Variants in IARS1 observed in about 807,000 individuals in gnomAD.
The protein encoded by IARS1 is isoleucyl-tRNA synthetase 1.
In IARS1, 124 loss-of-function variants were observed where a neutral mutation model predicts 168.2. That is an observed-to-expected ratio of 0.74 (90% confidence interval 0.64 to 0.86). The LOEUF is 0.86. Ranked by LOEUF, IARS1 falls within the 40% of genes least tolerant of loss-of-function variation. IARS1 has a pLI of 0.00. For synonymous variants in IARS1, 532 were observed against 529.4 expected (o/e 1.00, Z -0.07); for missense variants, 1,452 against 1,515.8 (o/e 0.96, Z 0.70).
intron 31 of IARS1, among the ~76,000 whole-genome samples, chr9:92,224,283 CT>C (rs1825285034): frequency 1.3e-5 from 2 of 152,196 alleles, no homozygotes; most frequent in Non-Finnish European, 1.5e-5. Context: ...TGTTCTGACT[CT>C]GGGTAGCCCT....
chr9:92,267,633 A>C (rs1832463826), intron 14 of IARS1, among the ~76,000 whole-genome samples: 1 of 152,212 alleles, frequency 6.6e-6, no homozygotes, highest in East Asian at 1.9e-4. Flanking sequence ...TGCTGCGATT[A>C]CATGTGGGAG....
At chr9:92,241,050 C>T (rs895577471) in intron 29 of IARS1, 89 bp from the exon 30 acceptor site, 13 of 738,484 alleles carry the variant, frequency 1.8e-5, no homozygotes, top group Non-Finnish European at 2.5e-5. Flanking sequence ...TTCTCAGTAA[C>T]AACAAGAGCT....
intron 33 of IARS1, among the ~76,000 whole-genome samples, chr9:92,214,459 C>G (rs988622900): frequency 6.6e-6 from 1 of 152,116 alleles, no homozygotes; most frequent in African/African-American, 2.4e-5. Context: ...CTACAACTCC[C>G]AGGGTGAGCG....
chr9:92,243,333 AC>A, intron 27 of IARS1, 22 bp from the exon 28 acceptor site: 1 of 1,500,234 alleles, frequency 6.7e-7, no homozygotes, highest in South Asian at 1.1e-5. Context: ...AACAGTGCAC[AC>A]CATGACAATC....
chr9:92,234,599 T>G (rs931531147), intron 30 of IARS1, among the ~76,000 whole-genome samples: 2 of 152,202 alleles, frequency 1.3e-5, no homozygotes, highest in African/African-American at 4.8e-5. Context: ...TTGTTTACAT[T>G]ACTGATGCAC....
At position 92,280,745 on chromosome 9, in the gene IARS1, C is replaced by A. The variant is rs1330406205; in HGVS notation, c.745+1G>T. On this transcript the variant is annotated splice_donor_variant, in intron 7 of 33. Transcript: ENST00000443024. LOFTEE classifies it high-confidence loss of function. ...TCATAAGTAACCAGCCTCCCACTTA[C>A]CTTTAATTTTCACATATTGCATTTC... 6.2e-7 allele frequency: 1 copy of A among 1,603,934 alleles called. No individual in the cohort carries two copies. The highest frequency in any genetic ancestry group is 1.7e-5 in the Admixed American group (1 of 59,246).
At chr9:92,291,641 G>A (rs1216729216) in intron 1 of IARS1, among the ~76,000 whole-genome samples, 1 of 152,116 alleles carries the variant, frequency 6.6e-6, no homozygotes, top group Non-Finnish European at 1.5e-5. Flanking sequence ...GCCTTTCAAG[G>A]ACCAAAATAA....
chr9:92,253,509 G>T, intron 20 of IARS1, 56 bp from the exon 21 acceptor site: 2 of 1,148,964 alleles, frequency 1.7e-6, no homozygotes, highest in South Asian at 1.2e-5. Context: ...ATCTGGGGTG[G>T]GGAGAGGGTT....
At chr9:92,234,967 C>T (rs1363510478) in intron 30 of IARS1, among the ~76,000 whole-genome samples, 3 of 152,074 alleles carry the variant, frequency 2.0e-5, no homozygotes, top group Non-Finnish European at 4.4e-5. Flanking sequence ...CCTCAGCCTC[C>T]TGAGTAGCTG....
intron 14 of IARS1, among the ~76,000 whole-genome samples, chr9:92,267,118 G>A (rs896774315): frequency 6.6e-6 from 1 of 152,156 alleles, no homozygotes; most frequent in African/African-American, 2.4e-5. Flanking sequence ...ATCAGACAAA[G>A]CCACAGGATG....
chr9:92,280,466 C>A (rs1465331559), intron 7 of IARS1, among the ~76,000 whole-genome samples: 1 of 152,110 alleles, frequency 6.6e-6, no homozygotes, highest in African/African-American at 2.4e-5. Flanking sequence ...ATCTTAGATT[C>A]TTCATCTGTC....
chr9:92,262,796 G>A (rs1191174083), intron 17 of IARS1, among the ~76,000 whole-genome samples, 173 bp downstream of exon 17: 2 of 152,168 alleles, frequency 1.3e-5, no homozygotes, highest in African/African-American at 4.8e-5. Flanking sequence ...CAATCTGAAA[G>A]TCCTCCCCTT....
chr9:92,265,606 AC>A, intron 14 of IARS1, 53 bp from the exon 15 acceptor site: 1 of 1,335,938 alleles, frequency 7.5e-7, no homozygotes, highest in Non-Finnish European at 1.1e-6. Flanking sequence ...AACAGAGCAT[AC>A]TGAGTTAATT....
At chr9:92,234,461 C>T (rs1007629193) in intron 30 of IARS1, among the ~76,000 whole-genome samples, 2 of 152,168 alleles carry the variant, frequency 1.3e-5, no homozygotes, top group African/African-American at 2.4e-5. Flanking sequence ...GAGTTGAGAG[C>T]TCTTCTTTCC....
chr9:92,241,109 C>A, intron 29 of IARS1, 148 bp from the exon 30 acceptor site: 1 of 523,396 alleles, frequency 1.9e-6, no homozygotes. Context: ...GTATCAAAAG[C>A]TACAATTTAT....
chr9:92,229,994 T>C (rs1224211685), intron 30 of IARS1, among the ~76,000 whole-genome samples: 1 of 149,570 alleles, frequency 6.7e-6, no homozygotes, highest in African/African-American at 2.5e-5. Context: ...ATTCCCTCCT[T>C]AATCCCTGGC....
chr9:92,284,293 GATT>G (rs1177808145), intron 6 of IARS1, among the ~76,000 whole-genome samples: 1 of 152,128 alleles, frequency 6.6e-6, no homozygotes, highest in Non-Finnish European at 1.5e-5. Flanking sequence ...ATCTATACTG[GATT>G]ATTTCTTGAT....
chr9:92,250,944 C>T, intron 22 of IARS1, 110 bp from the exon 23 acceptor site: 10 of 1,180,920 alleles, frequency 8.5e-6, no homozygotes, highest in South Asian at 1.5e-5. Context: ...GTAATAGGCA[C>T]CAAAATGAGC....
Position 92,222,610 on chromosome 9 carries a change from T to G in IARS1, c.3616A>C (p.Thr1206Pro), listed in dbSNP as rs771899564. Residue 1206 changes from threonine (T) to proline (P), a missense_variant, in exon 33 of 34, where the codon ACC (threonine) becomes CCC (proline). Thr to Pro is a conservative substitution (Grantham distance 38, BLOSUM62 -1). Transcript: ENST00000443024. ...GCTTCATACAGAAGACCTTGGTGGG[T>G]GAGTCCATTCTGCCCAAGTGGGTTT... ...LENPLGQNGLTHQGLLYEAAK... is the reference protein window; with the variant it reads ...LENPLGQNGLPHQGLLYEAAK... 1 of 1,613,964 alleles carries G rather than the reference T, an allele frequency of 6.2e-7. No homozygotes were observed. The highest frequency in any genetic ancestry group is 1.1e-5 in the South Asian group (1 of 91,072).
Sources: gnomAD v4.1 joint callset for allele counts (sites outside exome capture counted in the v4.1 genomes callset) on GRCh38, gnomAD v4.1.1 for gene constraint, MANE v1.5 for transcripts, NCBI Gene and HGNC (gene_info 2026-07-23, HGNC 2026-07-21) for gene names.